The following C8orf34 variants were observed in gnomAD, a reference collection of about 807,000 sequenced individuals.
C8orf34 encodes chromosome 8 open reading frame 34, also known as uncharacterized protein C8orf34.
Under a neutral mutation model 68.3 loss-of-function variants are expected in C8orf34, and 65 were observed. The observed-to-expected ratio is 0.95, with a 90% CI of 0.78 to 1.17. C8orf34 has a LOEUF of 1.17. C8orf34 is among the 50% of genes most tolerant of loss of function. The pLI is 0.00. For synonymous variants in C8orf34, 244 were observed against 241.2 expected, an observed-to-expected ratio of 1.01 and a Z score of -0.11; for missense variants, 664 against 655.4, an observed-to-expected ratio of 1.01 and a Z score of -0.14.
chr8:68,523,451 C>G (rs1039003735), intron 6 of C8orf34, among the ~76,000 whole-genome samples: 2 of 152,104 alleles, frequency 1.3e-5, no homozygotes, highest in African/African-American at 4.8e-5. Flanking sequence ...AGCGGACTCC[C>G]TTATCTAGAA....
intron 3 of C8orf34, among the ~76,000 whole-genome samples, chr8:68,458,712 T>C (rs1811656427): frequency 6.6e-6 from 1 of 152,188 alleles, no homozygotes. Context: ...GGGAATGGTC[T>C]GTGAGGTAGC....
intron 7 of C8orf34, among the ~76,000 whole-genome samples, chr8:68,553,198 A>G (rs1054457310): frequency 4.0e-5 from 6 of 151,830 alleles, no homozygotes; most frequent in Non-Finnish European, 7.4e-5. Flanking sequence ...GTCCTGGCTA[A>G]CACCGTGAAA....
chr8:68,555,443 A>G (rs769433338), intron 7 of C8orf34, among the ~76,000 whole-genome samples: 15 of 152,012 alleles, frequency 9.9e-5, no homozygotes, highest in Admixed American at 7.2e-4. Context: ...TTCTACTTAC[A>G]TTCTTTAACT....
At chr8:68,330,739 C>T (rs116317841), upstream of C8orf34, 6,144 of 371,836 alleles carry the variant, frequency 0.017, 96 homozygotes, top group African/African-American at 0.041. Flanking sequence ...GGGAGCAGCC[C>T]GGGCTGTTTG....
chr8:68,606,483 A>G (rs1247316336), intron 7 of C8orf34, among the ~76,000 whole-genome samples: 1 of 152,264 alleles, frequency 6.6e-6, no homozygotes, highest in East Asian at 1.9e-4. Context: ...GGATATTATA[A>G]TCTACTAATT....
chr8:68,360,795 C>G (rs1806958998), intron 1 of C8orf34, among the ~76,000 whole-genome samples: 1 of 149,120 alleles, frequency 6.7e-6, no homozygotes, highest in Non-Finnish European at 1.5e-5. Flanking sequence ...CTCTGTCACC[C>G]AGTCTGGAGT....
chr8:68,558,617 AAG>A (rs546283587), intron 7 of C8orf34, among the ~76,000 whole-genome samples: 4 of 151,532 alleles, frequency 2.6e-5, no homozygotes, highest in African/African-American at 2.4e-5. Flanking sequence ...GAGAGAGAGA[AAG>A]AGAGAGAGAG....
intron 12 of C8orf34, among the ~76,000 whole-genome samples, chr8:68,795,717 A>T (rs1824160244): frequency 6.6e-6 from 1 of 152,186 alleles, no homozygotes; most frequent in African/African-American, 2.4e-5. Context: ...ATAGAGCCTT[A>T]TGTAGAGCTT....
chr8:68,331,636 A>C (rs1312046195), intron 1 of C8orf34: 2 of 457,674 alleles, frequency 4.4e-6, no homozygotes, highest in Non-Finnish European at 4.1e-6. Context: ...TCTCAGCTAC[A>C]TGTTCAGGAC....
At chr8:68,578,267 A>T (rs1428678924) in intron 7 of C8orf34, among the ~76,000 whole-genome samples, 5 of 152,044 alleles carry the variant, frequency 3.3e-5, no homozygotes, top group African/African-American at 4.8e-5. Context: ...TGATGCCAAG[A>T]TACACTCTAA....
intron 8 of C8orf34, among the ~76,000 whole-genome samples, chr8:68,667,382 A>T (rs1392522411): frequency 6.6e-6 from 1 of 152,226 alleles, no homozygotes; most frequent in Non-Finnish European, 1.5e-5. Context: ...TTAGGAAGTG[A>T]CACGTTAAAC....
chr8:68,654,741 C>T (rs929295958), intron 8 of C8orf34, among the ~76,000 whole-genome samples: 2 of 152,128 alleles, frequency 1.3e-5, no homozygotes, highest in Non-Finnish European at 2.9e-5. Flanking sequence ...ATGATTTCTA[C>T]ATTTTAATAT....
intron 7 of C8orf34, among the ~76,000 whole-genome samples, chr8:68,612,445 T>G (rs2130568228): frequency 6.6e-6 from 1 of 152,266 alleles, no homozygotes; most frequent in Admixed American, 6.5e-5. Flanking sequence ...CCATATCACC[T>G]TTCCAGTATT....
intron 1 of C8orf34, among the ~76,000 whole-genome samples, chr8:68,390,110 A>T (rs941854455): frequency 6.6e-6 from 1 of 152,034 alleles, no homozygotes; most frequent in African/African-American, 2.4e-5. Context: ...TCACTGTTGT[A>T]TCTTTTGGTG....
intron 7 of C8orf34, among the ~76,000 whole-genome samples, chr8:68,554,005 A>G (rs1563526695): frequency 6.6e-6 from 1 of 152,138 alleles, no homozygotes; most frequent in South Asian, 2.1e-4. Context: ...ATAACACATC[A>G]TATTTCAAGA....
chr8:68,806,992 T>A (rs1281277004), intron 12 of C8orf34, among the ~76,000 whole-genome samples: 1 of 152,222 alleles, frequency 6.6e-6, no homozygotes, highest in Admixed American at 6.5e-5. Flanking sequence ...TACTGTTGGC[T>A]GAGAGTTTAT....
chr8:68,459,796 G>A (rs1459962088), intron 3 of C8orf34, among the ~76,000 whole-genome samples: 1 of 152,126 alleles, frequency 6.6e-6, no homozygotes, highest in Admixed American at 6.5e-5. Context: ...TAAAAACTTG[G>A]TGCAGGGTGA....
chr8:68,684,493 T>G (rs1256600031), intron 8 of C8orf34, among the ~76,000 whole-genome samples: 2 of 152,136 alleles, frequency 1.3e-5, no homozygotes, highest in Non-Finnish European at 2.9e-5. Flanking sequence ...GACAAGCCAT[T>G]TAGATAGCTA....
At chr8:68,784,611 A>G (rs1403491605) in intron 11 of C8orf34, among the ~76,000 whole-genome samples, 3 of 152,164 alleles carry the variant, frequency 2.0e-5, no homozygotes, top group Non-Finnish European at 4.4e-5. Flanking sequence ...ATTCTCATCC[A>G]TTCATTTATT....
Sources: gnomAD v4.1 joint callset for allele counts (sites outside exome capture counted in the v4.1 genomes callset) on GRCh38, gnomAD v4.1.1 for gene constraint, MANE v1.5 for transcripts, NCBI Gene and HGNC (gene_info 2026-07-23, HGNC 2026-07-21) for gene names.